POLR2F: variants seen among roughly 807,000 people sequenced by gnomAD.
POLR2F encodes the protein DNA-directed RNA polymerases I, II, and III subunit RPABC2.
In POLR2F, 12 loss-of-function variants were observed where a neutral mutation model predicts 22.7. The ratio of observed to expected loss-of-function variants is 0.53; its 90% CI spans 0.34 to 0.86. The LOEUF (loss-of-function observed/expected upper bound fraction) is 0.86, where lower values mean the gene tolerates loss of function less well. POLR2F is among the 40% of genes least tolerant of loss of function. POLR2F has a pLI of 0.02. For missense variants in POLR2F, 126 were observed against 171.5 expected (o/e 0.73, Z 1.48); for synonymous variants, 57 against 66.0 (o/e 0.86, Z 0.66).
downstream of POLR2F, chr22:37,972,321 C>G: frequency 9.5e-7 from 1 of 1,048,136 alleles, no homozygotes; most frequent in South Asian, 1.3e-5. Flanking sequence ...GTAACCGGAA[C>G]CTTTAATTTT....
At chr22:37,984,760 A>G (rs939621550), upstream of POLR2F, among the ~76,000 whole-genome samples, 5 of 151,768 alleles carry the variant, frequency 3.3e-5, no homozygotes, top group African/African-American at 9.7e-5. This position sits in a 1 kb window ranked among gnomAD's most constrained non-coding sequence, Gnocchi z 4.4. Flanking sequence ...TCTTGGGCTT[A>G]GTCTGGGAGG....
intron 1 of POLR2F, among the ~76,000 whole-genome samples, chr22:38,007,481 A>T (rs1020256629): frequency 6.6e-6 from 1 of 152,216 alleles, no homozygotes; most frequent in Non-Finnish European, 1.5e-5. Context: ...TGGAAAAAGG[A>T]ATGCTGGGAG....
chr22:37,972,510 G>T (rs753092010), downstream of POLR2F: 2 of 312,810 alleles, frequency 6.4e-6, no homozygotes, highest in Non-Finnish European at 1.3e-5. Flanking sequence ...GAGGCAAGGG[G>T]TAAGAGGCAA....
At position 38,017,059 on chromosome 22, in the gene POLR2F, C is replaced by T. The variant is rs184081619; in HGVS notation, c.121-8810C>T. ...ACCAGGTCCCCCCACCACTCTCCAGCCCTCCTGAGGCAGCTGTGGGGCCGT... is the reference window on the plus strand; with the variant it reads ...ACCAGGTCCCCCCACCACTCTCCAGTCCTCCTGAGGCAGCTGTGGGGCCGT... On this transcript the variant is annotated intron_variant, in intron 1 of 2. Coordinates refer to the POLR2F transcript ENST00000333418. The surrounding 1 kb of genome is among the most constrained non-coding windows in gnomAD (Gnocchi z 4.1). 4.7e-4 allele frequency among the ~76,000 whole-genome samples: 72 copies of T among 152,304 alleles called. No individual in the cohort carries two copies. The highest frequency in any genetic ancestry group is 1.2e-3 in the Admixed American group (18 of 15,302).
At chr22:37,985,618 A>G (rs999244313), upstream of POLR2F, among the ~76,000 whole-genome samples, 5 of 152,086 alleles carry the variant, frequency 3.3e-5, no homozygotes, top group Admixed American at 6.5e-5. Context: ...CAACCATGTG[A>G]CGTTCTGAGC....
chr22:37,994,588 G>A (rs2084693789), intron 1 of POLR2F, among the ~76,000 whole-genome samples: 1 of 152,032 alleles, frequency 6.6e-6, no homozygotes, highest in African/African-American at 2.4e-5. Context: ...GAGTGATCTC[G>A]GCTTACTGCA....
chr22:37,990,076 C>T (rs1012737530), intron 1 of POLR2F, among the ~76,000 whole-genome samples: 4 of 152,226 alleles, frequency 2.6e-5, no homozygotes, highest in Non-Finnish European at 5.9e-5. Context: ...ATTGGGAGCC[C>T]CTGAGGCCAT....
chr22:38,020,242 T>C (rs200080133), intron 1 of POLR2F, among the ~76,000 whole-genome samples: 1 of 123,952 alleles, frequency 8.1e-6, no homozygotes, highest in Non-Finnish European at 1.8e-5. Context: ...CACATACATA[T>C]ATATATACAC....
chr22:37,975,926 A>C (rs11912587), intron 4 of POLR2F, among the ~76,000 whole-genome samples: 7,775 of 151,924 alleles, frequency 0.051, 398 homozygotes, highest in African/African-American at 0.13. Flanking sequence ...TTCTCTCTCT[A>C]TATATATACT....
At position 38,025,872 on chromosome 22, in the gene POLR2F, T is replaced by TG. The variant is rs1274322947; in HGVS notation, c.127dup (p.Thr44AspfsTer22). 3.1e-6 allele frequency: 3 copies of TG among 962,996 alleles called. No homozygotes were observed. Among genetic ancestry groups the TG allele is most frequent in the African/African-American group, 1.6e-5 (1 of 62,336 alleles). The allele number at this position is 962,996 out of a possible 1,614,324, so 59.7% of individuals were successfully genotyped here. ...ACCAAGTTGACATCCTCCCCAGGGCTGGGACCGTCTCTTCTCCCTCCTGTC... is the reference window on the plus strand; with the variant it reads ...ACCAAGTTGACATCCTCCCCAGGGCTGGGGACCGTCTCTTCTCCCTCCTGTC... On this transcript the variant is annotated frameshift_variant, in exon 2 of 3. Transcript: ENST00000333418. LOFTEE classifies it high-confidence loss of function.
chr22:38,019,213 C>T (rs1004171445), intron 1 of POLR2F, among the ~76,000 whole-genome samples: 15 of 151,720 alleles, frequency 9.9e-5, no homozygotes, highest in Non-Finnish European at 1.8e-4. Context: ...TGGCTGTGGG[C>T]GGGGTCAGAG....
chr22:37,982,322 A>G (rs553582432), upstream of POLR2F, among the ~76,000 whole-genome samples: 1 of 152,108 alleles, frequency 6.6e-6, no homozygotes, highest in Non-Finnish European at 1.5e-5. Context: ...GTCTAGCGAG[A>G]ATCAGGTGAC....
chr22:37,997,092 G>C lies in POLR2F; in HGVS notation c.120+10780G>C, dbSNP rs889996992. 6.6e-6 allele frequency among the ~76,000 whole-genome samples: 1 copy of C among 152,056 alleles called. No individual in the cohort carries two copies. The highest frequency in any genetic ancestry group is 1.5e-5 in the Non-Finnish European group (1 of 67,958). Reference sequence around the variant, plus strand: ...GCTGGGACACAGGTGGCAGGCCGTAGGGAGCAGGGTGCTGCCTGGGGAGGG... The same window carrying C: ...GCTGGGACACAGGTGGCAGGCCGTACGGAGCAGGGTGCTGCCTGGGGAGGG... On this transcript the variant is annotated intron_variant, in intron 1 of 2. Transcript: ENST00000333418. The surrounding 1 kb of genome is among the most constrained non-coding windows in gnomAD (Gnocchi z 4.4).
downstream of POLR2F, chr22:37,972,387 G>T: frequency 2.3e-6 from 1 of 431,608 alleles, no homozygotes; most frequent in South Asian, 1.9e-5. Context: ...TAGGAGAGGG[G>T]ACTACTGAGA....
intron 1 of POLR2F, among the ~76,000 whole-genome samples, chr22:38,019,607 C>T (rs914165909): frequency 6.6e-6 from 1 of 152,146 alleles, no homozygotes; most frequent in African/African-American, 2.4e-5. Flanking sequence ...AGAGGGAGGG[C>T]GGACATGGTG....
chr22:37,960,288 A>G (rs1040736881), intron 3 of POLR2F, among the ~76,000 whole-genome samples: 19 of 150,590 alleles, frequency 1.3e-4, no homozygotes, highest in African/African-American at 4.4e-4. Flanking sequence ...CACTGGCCCA[A>G]TCTCAGCTCA....
intron 5 of POLR2F, among the ~76,000 whole-genome samples, chr22:38,034,404 C>A (rs1213035002): frequency 6.6e-6 from 1 of 152,208 alleles, no homozygotes; most frequent in African/African-American, 2.4e-5. Context: ...CACGTGGCGG[C>A]AGGCAGGTCC....
chr22:37,975,323 AGAGGAG>A (rs933633683), intron 4 of POLR2F, among the ~76,000 whole-genome samples: 1 of 152,188 alleles, frequency 6.6e-6, no homozygotes, highest in Non-Finnish European at 1.5e-5. Flanking sequence ...TTGGGAGACC[AGAGGAG>A]GAGTCCACCC....
At chr22:38,000,038 G>C (rs1271107564) in intron 1 of POLR2F, among the ~76,000 whole-genome samples, 1 of 152,174 alleles carries the variant, frequency 6.6e-6, no homozygotes, top group Non-Finnish European at 1.5e-5. Context: ...GTTTTGGCGA[G>C]GGTGAGCTTA....
Sources: allele counts gnomAD v4.1 joint callset (sites outside exome capture counted in the v4.1 genomes callset), GRCh38; gene constraint gnomAD v4.1.1; non-coding constraint Gnocchi (gnomAD v3.1); transcripts MANE v1.5; gene names NCBI Gene and HGNC (gene_info 2026-07-23, HGNC 2026-07-21).